DCBLD1: variants seen among roughly 807,000 people sequenced by gnomAD.
DCBLD1 encodes the protein discoidin, CUB and LCCL domain-containing protein 1.
DCBLD1 carries 57 observed loss-of-function variants against 71.5 expected under a neutral mutation model. The observed-to-expected ratio is 0.80, with a 90% CI of 0.64 to 0.99. DCBLD1 has a LOEUF of 0.99. Among genes scored for constraint, DCBLD1 ranks in the 50% least tolerant of loss-of-function variants. DCBLD1 has a pLI of 0.00. For synonymous variants in DCBLD1, 380 were observed against 363.8 expected (o/e 1.04, Z -0.51); for missense variants, 891 against 923.5 (o/e 0.96, Z 0.46).
intron 2 of DCBLD1, chr6:117,507,877 T>C (rs1777891116): frequency 1.3e-5 from 2 of 152,220 alleles, no homozygotes; most frequent in African/African-American, 4.8e-5. Flanking sequence ...TTATAACAGT[T>C]TCTAACATTA....
At chr6:117,515,109 C>T (rs1483062802) in intron 2 of DCBLD1, among the ~76,000 whole-genome samples, 2 of 151,454 alleles carry the variant, frequency 1.3e-5, no homozygotes, top group Admixed American at 1.3e-4. Flanking sequence ...AACCTCCACC[C>T]CCCAGGTTCA....
chr6:117,544,111 C>T (rs1019200409), intron 12 of DCBLD1, among the ~76,000 whole-genome samples: 16 of 152,152 alleles, frequency 1.1e-4, no homozygotes, highest in Admixed American at 3.9e-4. Flanking sequence ...GGTAGATATT[C>T]ATAAGTTAAA....
chr6:117,492,687 A>G (rs1777334492), intron 1 of DCBLD1, among the ~76,000 whole-genome samples: 1 of 152,224 alleles, frequency 6.6e-6, no homozygotes, highest in Admixed American at 6.5e-5. Flanking sequence ...GGAATGTGCA[A>G]AAGCAGTAAA....
intron 14 of DCBLD1, among the ~76,000 whole-genome samples, chr6:117,547,372 GATT>G (rs1313210190): frequency 6.6e-6 from 1 of 152,066 alleles, no homozygotes; most frequent in Non-Finnish European, 1.5e-5. Flanking sequence ...TTTTTTTGAA[GATT>G]ATTAACATCT....
intron 2 of DCBLD1, among the ~76,000 whole-genome samples, chr6:117,511,952 T>C (rs561040112): frequency 6.6e-6 from 1 of 152,218 alleles, no homozygotes; most frequent in Non-Finnish European, 1.5e-5. Context: ...GCTTTTTCTT[T>C]GTTTGTTTTA....
At chr6:117,518,772 A>G (rs1409424995) in intron 2 of DCBLD1, among the ~76,000 whole-genome samples, 4 of 152,146 alleles carry the variant, frequency 2.6e-5, no homozygotes, top group Non-Finnish European at 5.9e-5. Context: ...TTCCCCCATG[A>G]TTCAGTTACC....
chr6:117,569,765 A>G lies in DCBLD1; in HGVS notation c.*141A>G, dbSNP rs766343056. On this transcript the variant is annotated 3_prime_UTR_variant, in exon 15 of 15. Coordinates refer to the DCBLD1 transcript ENST00000296955. The stretch of plus-strand genomic sequence containing the variant: ...ACAACAACAAAGGGCAGTAAATTAA[A>G]GTACTCTTTGTAAGGTACAGTTACC... 7.1e-6 allele frequency: 11 copies of G among 1,547,660 alleles called. No individual in the cohort carries two copies. The East Asian group carries it at 2.6e-4, about 37-fold the overall frequency.
intron 1 of DCBLD1, among the ~76,000 whole-genome samples, chr6:117,497,463 T>C (rs913371283): frequency 2.0e-5 from 3 of 152,250 alleles, no homozygotes; most frequent in Non-Finnish European, 4.4e-5. Context: ...GATTGGCTTG[T>C]GTATACAAGC....
chr6:117,534,585 T>C (rs17079332), intron 6 of DCBLD1, among the ~76,000 whole-genome samples: 47,675 of 152,048 alleles, frequency 0.31, 8,724 homozygotes, highest in African/African-American at 0.51. Flanking sequence ...TATTTGTATA[T>C]CTTTGAATGC....
At chr6:117,500,813 A>C (rs1443053963) in intron 1 of DCBLD1, among the ~76,000 whole-genome samples, 1 of 152,200 alleles carries the variant, frequency 6.6e-6, no homozygotes, top group Non-Finnish European at 1.5e-5. Flanking sequence ...CAGTAAGCCA[A>C]GATCCTGCCA....
chr6:117,513,931 A>G (rs1778106853), intron 2 of DCBLD1, among the ~76,000 whole-genome samples: 2 of 152,146 alleles, frequency 1.3e-5, no homozygotes, highest in Non-Finnish European at 2.9e-5. Context: ...ACAGTGAAGT[A>G]TATCACGTGG....
chr6:117,484,597 C>T (rs1777020046), intron 1 of DCBLD1, among the ~76,000 whole-genome samples: 1 of 152,180 alleles, frequency 6.6e-6, no homozygotes, highest in Non-Finnish European at 1.5e-5. Flanking sequence ...GATCCACCCA[C>T]CCCGGCCTCC....
At chr6:117,516,298 T>G (rs1393699750) in intron 2 of DCBLD1, among the ~76,000 whole-genome samples, 19 of 151,350 alleles carry the variant, frequency 1.3e-4, no homozygotes, top group Admixed American at 4.6e-4. Flanking sequence ...GAGATGGAGC[T>G]TGTAGTGAGC....
Position 117,519,865 on chromosome 6 carries a change from A to G in DCBLD1, c.375A>G (p.Thr125=), listed in dbSNP as rs1778327133. 1.7e-5 allele frequency: 27 copies of G among 1,614,164 alleles called. No homozygotes were observed. Among genetic ancestry groups the G allele is most frequent in the Non-Finnish European group, 2.3e-5 (27 of 1,179,990 alleles). ...TTCCCAAAGAACTCTTGTTGAACACAAGTGAAGTAACCGTCCGCTTTGAGA... is the reference window on the plus strand; with the variant it reads ...TTCCCAAAGAACTCTTGTTGAACACGAGTGAAGTAACCGTCCGCTTTGAGA... ...MTVPKELLLN[T]SEVTVRFESG... Residue 125 remains threonine (T), a synonymous_variant, in exon 3 of 15, where the codon ACA becomes ACG. Transcript: ENST00000338728.
At chr6:117,552,305 T>TTATAGTGTTTTGTATACATTGTATATA (rs1779441816), downstream of DCBLD1, among the ~76,000 whole-genome samples, 1 of 152,218 alleles carries the variant, frequency 6.6e-6, no homozygotes, top group Non-Finnish European at 1.5e-5. Context: ...GCAGACTATA[T>TTATAGTGTTTTGTATACATTGTATATA]TATAGTGTTT....
intron 12 of DCBLD1, 75 bp from the exon 13 acceptor site, chr6:117,544,453 T>G: frequency 3.4e-6 from 5 of 1,486,648 alleles, no homozygotes; most frequent in Non-Finnish European, 2.8e-6. Flanking sequence ...ACTATTATGA[T>G]CCTTATGTTA....
At chr6:117,524,712 G>C (rs1390279268) in intron 4 of DCBLD1, among the ~76,000 whole-genome samples, 1 of 151,974 alleles carries the variant, frequency 6.6e-6, no homozygotes, top group Admixed American at 6.6e-5. Flanking sequence ...TATCTTATTG[G>C]TATTTATTTC....
At chr6:117,503,132 C>G (rs913579004) in intron 1 of DCBLD1, among the ~76,000 whole-genome samples, 2 of 151,966 alleles carry the variant, frequency 1.3e-5, no homozygotes, top group African/African-American at 4.8e-5. Context: ...CTTTTAATAC[C>G]ATGTCTGGTT....
chr6:117,513,233 A>T (rs1778081045), intron 2 of DCBLD1, among the ~76,000 whole-genome samples: 1 of 152,176 alleles, frequency 6.6e-6, no homozygotes. Flanking sequence ...TTATTCACAC[A>T]TGGAAAGATA....
Sources: allele counts gnomAD v4.1 joint callset (sites outside exome capture counted in the v4.1 genomes callset), GRCh38; gene constraint gnomAD v4.1.1; transcripts MANE v1.5; gene names NCBI Gene and HGNC (gene_info 2026-07-23, HGNC 2026-07-21).